TSHR: variants seen among roughly 807,000 people sequenced by gnomAD.
The protein encoded by TSHR is thyroid stimulating hormone receptor.
In TSHR, 51 loss-of-function variants were observed where a neutral mutation model predicts 64.1. That is an observed-to-expected ratio of 0.80 (90% CI 0.64 to 1.01). TSHR has a LOEUF of 1.01. Among genes scored for constraint, TSHR ranks in the 50% least tolerant of loss-of-function variants. The probability of loss-of-function intolerance (pLI) is 0.00; values close to 1 mark genes in which losing one functional copy is unlikely to be tolerated. For synonymous variants in TSHR, 361 were observed against 361.9 expected (o/e 1.00, Z 0.03); for missense variants, 877 against 942.8 (o/e 0.93, Z 0.91).
intron 7 of TSHR, among the ~76,000 whole-genome samples, chr14:81,100,843 C>T (rs1333207542): frequency 6.6e-6 from 1 of 152,210 alleles, no homozygotes; most frequent in African/African-American, 2.4e-5. Context: ...CTTCCAGCTA[C>T]CTGGAAGCTC....
At chr14:81,108,875 C>A (rs141830816) in intron 8 of TSHR, 5 of 1,443,570 alleles carry the variant, frequency 3.5e-6, no homozygotes, top group Non-Finnish European at 3.6e-6. Flanking sequence ...AATGATAGTT[C>A]GACTCGTCTG....
At chr14:81,142,869 C>T in intron 9 of TSHR, 71 bp from the exon 10 acceptor site, 1 of 1,445,558 alleles carries the variant, frequency 6.9e-7, no homozygotes, top group Non-Finnish European at 9.7e-7. Flanking sequence ...CTTGGCCTCC[C>T]AAAGTGCTGG....
At chr14:80,976,063 A>T (rs2268455) in intron 1 of TSHR, among the ~76,000 whole-genome samples, 1 of 151,736 alleles carries the variant, frequency 6.6e-6, no homozygotes, top group African/African-American at 2.4e-5. Flanking sequence ...AGGCACCCGC[A>T]ACCACGCCCG....
At chr14:80,998,146 CA>C in intron 1 of TSHR, among the ~76,000 whole-genome samples, 1 of 151,764 alleles carries the variant, frequency 6.6e-6, no homozygotes, top group South Asian at 2.1e-4. Flanking sequence ...GACAAAAGGA[CA>C]AAAAAAATTT....
intron 8 of TSHR, among the ~76,000 whole-genome samples, chr14:81,118,537 A>G (rs1376506147): frequency 6.6e-6 from 1 of 151,106 alleles, no homozygotes; most frequent in Non-Finnish European, 1.5e-5. Context: ...GGATACAAAC[A>G]AATGGAAGAA....
At chr14:81,068,142 C>T (rs912196582) in intron 2 of TSHR, 112 bp from the exon 3 acceptor site, 10 of 958,710 alleles carry the variant, frequency 1.0e-5, no homozygotes, top group African/African-American at 1.6e-5. Flanking sequence ...GAGGGTTGTA[C>T]ATGTTGCATG....
intron 9 of TSHR, among the ~76,000 whole-genome samples, chr14:81,142,605 T>G (rs1891737621): frequency 8.2e-6 from 1 of 121,366 alleles, no homozygotes; most frequent in African/African-American, 3.3e-5. Context: ...AAACAAGCAT[T>G]CTTTTTTTTT....
intron 8 of TSHR, among the ~76,000 whole-genome samples, chr14:81,112,945 G>A (rs34082357): frequency 0.052 from 7,867 of 152,244 alleles, 244 homozygotes; most frequent in Middle Eastern, 0.082. Context: ...TAGGGTTGAG[G>A]AGCAACTTGC....
At chr14:81,080,431 G>T (rs201727116) in intron 3 of TSHR, among the ~76,000 whole-genome samples, 278 of 152,250 alleles carry the variant, frequency 1.8e-3, no homozygotes, top group Non-Finnish European at 3.1e-3. Flanking sequence ...AAATAATCAT[G>T]AAAGTAGCTG....
intron 3 of TSHR, among the ~76,000 whole-genome samples, chr14:81,071,644 C>T (rs776301332): frequency 3.3e-5 from 5 of 152,000 alleles, no homozygotes; most frequent in Non-Finnish European, 7.4e-5. Flanking sequence ...ACCAGTGGTC[C>T]CAGCTACATG....
At chr14:81,111,401 C>T (rs949643632) in intron 8 of TSHR, among the ~76,000 whole-genome samples, 1 of 152,202 alleles carries the variant, frequency 6.6e-6, no homozygotes, top group African/African-American at 2.4e-5. Flanking sequence ...AAATCTGGCT[C>T]CTGCCTTTAT....
intron 8 of TSHR, among the ~76,000 whole-genome samples, chr14:81,114,174 A>G (rs1161606108): frequency 4.0e-5 from 6 of 150,438 alleles, no homozygotes; most frequent in Non-Finnish European, 8.9e-5. Flanking sequence ...GGGGGGGAGG[A>G]GCCAAGATGG....
rs1056304486 is a variant in TSHR at position 81,058,449 on chromosome 14, A to G, written c.171-3699A>G. 2.0e-5 allele frequency among the ~76,000 whole-genome samples: 3 copies of G among 152,358 alleles called. No homozygotes were observed. The East Asian group carries it at 5.8e-4, about 29-fold the overall frequency. ...ATAAAATGTGCATTCTCCACATAGG[A>G]TACAAGACTATAGCTGTGAACTATT... is the stretch of plus-strand genomic sequence containing the variant. On this transcript the variant is annotated intron_variant, in intron 1 of 9. Transcript: ENST00000298171.
chr14:81,002,595 A>G (rs960496052), intron 1 of TSHR, among the ~76,000 whole-genome samples: 70 of 152,092 alleles, frequency 4.6e-4, no homozygotes, highest in Admixed American at 1.4e-3. Flanking sequence ...CCCAATTATA[A>G]AATCCCTGCT....
chr14:81,029,229 C>T (rs1183878005), intron 1 of TSHR, among the ~76,000 whole-genome samples: 1 of 151,810 alleles, frequency 6.6e-6, no homozygotes, highest in African/African-American at 2.4e-5. Flanking sequence ...GAAGGCATTC[C>T]TTACTTCAGC....
chr14:81,090,260 T>C (rs1888616505), intron 4 of TSHR, among the ~76,000 whole-genome samples: 1 of 152,192 alleles, frequency 6.6e-6, no homozygotes, highest in Admixed American at 6.5e-5. Flanking sequence ...ACTGTCTTTT[T>C]TTGAGACAGA....
At chr14:81,130,934 T>G (rs1891215909) in intron 8 of TSHR, among the ~76,000 whole-genome samples, 1 of 84,494 alleles carries the variant, frequency 1.2e-5, no homozygotes, top group South Asian at 4.8e-4. Context: ...GAGCTTGCAG[T>G]GAGCCGAGAT....
chr14:81,078,967 C>T (rs554905409), intron 3 of TSHR: 1 of 152,286 alleles, frequency 6.6e-6, no homozygotes, highest in Admixed American at 6.5e-5. Flanking sequence ...ATTTTAACCA[C>T]TTAATCTGGG....
In TSHR at chr14:81,143,432, T is replaced by G; in HGVS notation, c.1374T>G (p.Phe458Leu). ...GCTTTCTCATGTGCAACCTGGCCTT[T>G]GCGGATTTCTGCATGGGGATGTACC... ...VPRFLMCNLA[F>L]ADFCMGMYLL... is the part of the protein sequence containing the mutation. The change falls in exon 10 of 10, where the codon TTT (phenylalanine) becomes TTG (leucine). Residue 458 changes from phenylalanine to leucine, a missense_variant. Coordinates refer to ENST00000298171, the MANE Select transcript of TSHR (RefSeq NM_000369.5). The G allele has an allele frequency of 6.2e-7, 1 of 1,614,200 alleles. No homozygotes were observed. The highest frequency in any genetic ancestry group is 8.5e-7 in the Non-Finnish European group (1 of 1,180,042).
Sources: allele counts gnomAD v4.1 joint callset (sites outside exome capture counted in the v4.1 genomes callset), GRCh38; gene constraint gnomAD v4.1.1; transcripts MANE v1.5; gene names NCBI Gene and HGNC (gene_info 2026-07-23, HGNC 2026-07-21).